Variants in CDH8 observed in about 807,000 individuals in gnomAD.
CDH8 encodes the protein cadherin 8.
Under a neutral mutation model 68.1 loss-of-function variants are expected in CDH8, and 17 were observed. The observed-to-expected ratio is 0.25, with a 90% CI of 0.17 to 0.37. CDH8 has a LOEUF of 0.37. Among genes scored for constraint, CDH8 ranks in the 10% least tolerant of loss-of-function variants. The pLI is 1.00. For missense variants in CDH8, 763 were observed against 999.3 expected (o/e 0.76, Z 3.19); for synonymous variants, 372 against 365.1 (o/e 1.02, Z -0.21).
chr16:62,005,798 A>T (rs1054400774), intron 2 of CDH8, among the ~76,000 whole-genome samples: 1 of 151,598 alleles, frequency 6.6e-6, no homozygotes, highest in Non-Finnish European at 1.5e-5. Context: ...GCAGGTTCTC[A>T]GTTCATATTT....
chr16:61,830,113 A>G (rs1191212394), intron 4 of CDH8, among the ~76,000 whole-genome samples: 2 of 151,884 alleles, frequency 1.3e-5, no homozygotes, highest in Non-Finnish European at 2.9e-5. Context: ...TTTGGCTAAC[A>G]TATCTCCCAA....
chr16:61,654,094 C>T lies in CDH8; in HGVS notation c.1914G>A (p.Val638=), dbSNP rs1262284212. The T allele has an allele frequency of 4.4e-6, 7 of 1,608,432 alleles. No homozygotes were observed. The highest frequency in any genetic ancestry group is 5.9e-6 in the Non-Finnish European group (7 of 1,177,648). Reference sequence around the variant, plus strand: ...GCCGCCGTAGAGTTACAAACAGCACCACGATGACTAGAGGAAAAATATTAA... The same window carrying T: ...GCCGCCGTAGAGTTACAAACAGCACTACGATGACTAGAGGAAAAATATTAA... ...LACIILLLVI[V]VLFVTLRRHK... is the part of the protein sequence containing the mutation. Residue 638 remains valine, a synonymous_variant, in exon 12 of 12, where the codon GTG becomes GTA. Coordinates refer to ENST00000577390, the MANE Select transcript of CDH8 (RefSeq NM_001796.5).
At position 61,696,940 on chromosome 16, in the gene CDH8, G is replaced by A. The variant is rs111557323; in HGVS notation, c.1654+16901C>T. On this transcript the variant is annotated intron_variant, in intron 10 of 11. Transcript: ENST00000577390. ...AAACAATAGACACTGGGGACCACTC[G>A]GGGGAGGAAGAGGAGGCAGCAAGGG... 1.2e-3 allele frequency among the ~76,000 whole-genome samples: 182 copies of A among 152,174 alleles called. 2 individuals carry two copies. The East Asian group carries it at 0.028, about 24-fold the overall frequency.
At chr16:61,881,483 AAC>A (rs1461658476) in intron 3 of CDH8, among the ~76,000 whole-genome samples, 1 of 152,212 alleles carries the variant, frequency 6.6e-6, no homozygotes, top group Non-Finnish European at 1.5e-5. Context: ...CTTTGTTTTA[AAC>A]AGACTAACTA....
At chr16:61,689,801 A>C (rs1431383704) in intron 10 of CDH8, among the ~76,000 whole-genome samples, 1 of 152,090 alleles carries the variant, frequency 6.6e-6, no homozygotes, top group Non-Finnish European at 1.5e-5. Flanking sequence ...ATAAATCATA[A>C]TAATACTATG....
At chr16:61,842,119 G>A (rs1315450284) in intron 4 of CDH8, among the ~76,000 whole-genome samples, 1 of 149,724 alleles carries the variant, frequency 6.7e-6, no homozygotes, top group Non-Finnish European at 1.5e-5. Context: ...ATGCTAGCCA[G>A]GATGGTCTCG....
Position 61,694,813 on chromosome 16 carries a change from G to A in CDH8, c.1654+19028C>T, listed in dbSNP as rs149366768. On this transcript the variant is annotated intron_variant, in intron 10 of 11. Coordinates refer to ENST00000577390, the MANE Select transcript of CDH8 (RefSeq NM_001796.5). ...GGTGGTGGTTTTGAGACAGAGTCTCGCTCTGTCACCCAGGCTGGAGTGCAG... is the reference window on the plus strand; with the variant it reads ...GGTGGTGGTTTTGAGACAGAGTCTCACTCTGTCACCCAGGCTGGAGTGCAG... Among the ~76,000 whole-genome samples, 163 of 152,114 alleles carry A rather than the reference G, an allele frequency of 1.1e-3. 2 individuals carry two copies. In the East Asian group the frequency reaches 0.028, roughly 27 times the overall value.
At chr16:61,936,805 T>TA (rs950845520) in intron 2 of CDH8, among the ~76,000 whole-genome samples, 5 of 152,204 alleles carry the variant, frequency 3.3e-5, no homozygotes, top group Non-Finnish European at 7.3e-5. Context: ...ACACTGAATT[T>TA]AAAAAATAAT....
intron 10 of CDH8, among the ~76,000 whole-genome samples, chr16:61,687,287 A>C (rs952426115): frequency 6.6e-6 from 1 of 152,032 alleles, no homozygotes. Context: ...CATAAAGTAC[A>C]TAAGAGTCAA....
At chr16:61,917,382 C>A (rs753014081) in intron 2 of CDH8, among the ~76,000 whole-genome samples, 3 of 152,176 alleles carry the variant, frequency 2.0e-5, no homozygotes, top group Admixed American at 6.5e-5. Context: ...ACTGGTCAGA[C>A]AGCCTGGGCT....
chr16:62,029,570 T>A (rs1440101822), intron 1 of CDH8, among the ~76,000 whole-genome samples: 2 of 152,216 alleles, frequency 1.3e-5, no homozygotes, highest in East Asian at 3.9e-4. Flanking sequence ...AGACATGACA[T>A]TGTCCATGAC....
chr16:61,998,984 A>C (rs2150594988), intron 2 of CDH8, among the ~76,000 whole-genome samples: 1 of 152,334 alleles, frequency 6.6e-6, no homozygotes, highest in African/African-American at 2.4e-5. Flanking sequence ...ATGACAAAGC[A>C]GATAAGATCA....
chr16:62,014,302 C>A (rs1437673051), intron 2 of CDH8, among the ~76,000 whole-genome samples: 2 of 152,114 alleles, frequency 1.3e-5, no homozygotes, highest in Non-Finnish European at 2.9e-5. Flanking sequence ...CCAAAGATTT[C>A]CAACAGCTCT....
intron 2 of CDH8, among the ~76,000 whole-genome samples, chr16:61,979,357 T>C (rs1965493259): frequency 6.6e-6 from 1 of 152,186 alleles, no homozygotes; most frequent in Non-Finnish European, 1.5e-5. Context: ...TCTCATTGAT[T>C]AATAAAATAA....
chr16:61,826,807 A>G (rs1962346113), intron 4 of CDH8, among the ~76,000 whole-genome samples: 1 of 151,866 alleles, frequency 6.6e-6, no homozygotes, highest in African/African-American at 2.4e-5. Context: ...GTGAGTTCTT[A>G]TACACTTTAT....
At chr16:61,807,465 T>G (rs1454829077) in intron 7 of CDH8, among the ~76,000 whole-genome samples, 2 of 151,522 alleles carry the variant, frequency 1.3e-5, no homozygotes, top group Non-Finnish European at 2.9e-5. Flanking sequence ...ACCCTAAAAC[T>G]TAAAGTATAA....
chr16:61,652,933 C>A lies in CDH8; in HGVS notation c.*675G>T. 1 of 1,527,038 alleles carries A rather than the reference C, an allele frequency of 6.5e-7. No homozygotes were observed. The highest frequency in any genetic ancestry group is 8.8e-7 in the Non-Finnish European group (1 of 1,142,774). 94.6% of individuals were successfully genotyped at this position (1,527,038 alleles called of 1,614,324 possible). A position where few individuals can be genotyped will look rare whatever the true frequency, so the allele number is the denominator to read the frequency against. ...AAGCATGTTTGAATGGGATTTCTCT[C>A]CTCCCACCACTGAATTGGCAAGCCC... On this transcript the variant is annotated 3_prime_UTR_variant, in exon 12 of 12. Transcript: ENST00000577390.
At chr16:61,888,627 T>C (rs1963719844) in intron 3 of CDH8, among the ~76,000 whole-genome samples, 1 of 152,192 alleles carries the variant, frequency 6.6e-6, no homozygotes. Flanking sequence ...CCTAAGGTTG[T>C]TGGTAGATTG....
chr16:61,836,782 G>A (rs1040968788), intron 4 of CDH8, among the ~76,000 whole-genome samples: 16 of 151,930 alleles, frequency 1.1e-4, no homozygotes, highest in Non-Finnish European at 2.4e-4. Flanking sequence ...CCACTGTCAT[G>A]CTTCTCCTGG....
Sources: allele counts gnomAD v4.1 joint callset (sites outside exome capture counted in the v4.1 genomes callset), GRCh38; gene constraint gnomAD v4.1.1; transcripts MANE v1.5; gene names NCBI Gene and HGNC (gene_info 2026-07-23, HGNC 2026-07-21).